TMEM117: variants seen among roughly 807,000 people sequenced by gnomAD.
TMEM117 encodes transmembrane protein 117.
TMEM117 carries 27 observed loss-of-function variants against 52.4 expected under a neutral mutation model. The ratio of observed to expected loss-of-function variants is 0.51; its 90% CI spans 0.38 to 0.71. The LOEUF (loss-of-function observed/expected upper bound fraction) is 0.71. Among genes scored for constraint, TMEM117 ranks in the 30% least tolerant of loss-of-function variants. TMEM117 has a pLI of 0.00. For missense variants in TMEM117, 556 were observed against 630.5 expected (o/e 0.88, Z 1.26); for synonymous variants, 215 against 206.3 (o/e 1.04, Z -0.36).
chr12:44,272,844 C>A (rs979917020), intron 5 of TMEM117, among the ~76,000 whole-genome samples: 24 of 152,088 alleles, frequency 1.6e-4, no homozygotes, highest in Non-Finnish European at 3.2e-4. Flanking sequence ...CTAGAAATAC[C>A]ATTTGACCCA....
chr12:44,180,109 A>G (rs1176178907), intron 4 of TMEM117, among the ~76,000 whole-genome samples: 1 of 152,140 alleles, frequency 6.6e-6, no homozygotes, highest in East Asian at 1.9e-4. Flanking sequence ...ACCTAGCTTC[A>G]AAAAAGGCAC....
chr12:43,915,434 C>T lies in TMEM117; in HGVS notation c.278-28776C>T, dbSNP rs188985532. ...TTATTTTGTTTCTAGAGCTTCATTA[C>T]CCTTTCTTACCACCTGACCTTGTCC... On this transcript the variant is annotated intron_variant, in intron 2 of 7. Transcript: ENST00000266534. Among the ~76,000 whole-genome samples the T allele has an allele frequency of 1.4e-4, 22 of 152,272 alleles. No homozygotes were observed. In the East Asian group the frequency reaches 4.2e-3, roughly 29 times the overall value.
chr12:43,954,795 A>T (rs1945281329), intron 3 of TMEM117, among the ~76,000 whole-genome samples: 1 of 152,230 alleles, frequency 6.6e-6, no homozygotes, highest in Non-Finnish European at 1.5e-5. Context: ...GGCCAGCATC[A>T]TCCTGATACA....
At chr12:44,318,964 G>C (rs80118935) in intron 6 of TMEM117, among the ~76,000 whole-genome samples, 7,316 of 152,268 alleles carry the variant, frequency 0.048, 363 homozygotes, top group African/African-American at 0.12. Context: ...ATTTCCAGGT[G>C]GCCAAGCTAG....
the TMEM117 span, chr12:43,797,282 A>AAAAAC: frequency 2.6e-6 from 4 of 1,563,562 alleles, no homozygotes; most frequent in African/African-American, 5.5e-5. Flanking sequence ...GTAATGTGTT[A>AAAAAC]AAAACAATGT....
chr12:44,201,865 C>T (rs984739748), intron 4 of TMEM117, among the ~76,000 whole-genome samples: 2 of 151,916 alleles, frequency 1.3e-5, no homozygotes. Flanking sequence ...TATTCCCAAA[C>T]CCTAAGAACA....
At chr12:44,191,435 C>T (rs1949352651) in intron 4 of TMEM117, among the ~76,000 whole-genome samples, 1 of 151,962 alleles carries the variant, frequency 6.6e-6, no homozygotes, top group Non-Finnish European at 1.5e-5. Context: ...ATACATATAG[C>T]TGTATATATA....
At chr12:44,177,592 T>A (rs1379688793) in intron 4 of TMEM117, among the ~76,000 whole-genome samples, 1 of 152,154 alleles carries the variant, frequency 6.6e-6, no homozygotes, top group Non-Finnish European at 1.5e-5. Context: ...TTTCTTTTTT[T>A]ATTAGATTTT....
At chr12:44,289,662 C>G (rs892730778) in intron 5 of TMEM117, among the ~76,000 whole-genome samples, 4 of 150,508 alleles carry the variant, frequency 2.7e-5, no homozygotes, top group African/African-American at 9.8e-5. Context: ...AAGCGATTCT[C>G]CTGCCTCAGC....
At chr12:43,912,915 G>A (rs1944538945) in intron 2 of TMEM117, among the ~76,000 whole-genome samples, 1 of 152,030 alleles carries the variant, frequency 6.6e-6, no homozygotes, top group Admixed American at 6.6e-5. Context: ...CTCCAAGAAA[G>A]GCTTGTCATT....
At chr12:44,075,277 GCTCT>G in intron 3 of TMEM117, among the ~76,000 whole-genome samples, 1 of 152,186 alleles carries the variant, frequency 6.6e-6, no homozygotes. Flanking sequence ...GCTGGAATCA[GCTCT>G]CTGTGTTCAA....
intron 2 of TMEM117, among the ~76,000 whole-genome samples, chr12:43,921,773 C>T (rs776932572): frequency 6.6e-6 from 1 of 152,132 alleles, no homozygotes; most frequent in Non-Finnish European, 1.5e-5. Context: ...ATGTTCACAG[C>T]TGCAGTTAAG....
chr12:43,814,933 C>A, the TMEM117 span, among the ~76,000 whole-genome samples: 1 of 151,706 alleles, frequency 6.6e-6, no homozygotes, highest in Non-Finnish European at 1.5e-5. Context: ...TTAGTAGAGA[C>A]GGGGTTTCAC....
At chr12:43,900,632 C>T (rs12320752) in intron 2 of TMEM117, among the ~76,000 whole-genome samples, 15,734 of 151,550 alleles carry the variant, frequency 0.1, 2,460 homozygotes, top group African/African-American at 0.34. Flanking sequence ...GAAGGAGAAT[C>T]GCTTGAACCA....
intron 5 of TMEM117, among the ~76,000 whole-genome samples, chr12:44,218,999 T>C (rs1418474975): frequency 6.6e-6 from 1 of 152,216 alleles, no homozygotes; most frequent in Admixed American, 6.5e-5. Context: ...TTCTAAGATT[T>C]TAAGATATTT....
chr12:43,795,836 C>T, the TMEM117 span: 1 of 1,369,070 alleles, frequency 7.3e-7, no homozygotes, highest in Non-Finnish European at 1.0e-6. Flanking sequence ...TGAATGCTCA[C>T]AAATAATACC....
At chr12:43,930,036 A>G (rs1041499001) in intron 2 of TMEM117, among the ~76,000 whole-genome samples, 22 of 151,938 alleles carry the variant, frequency 1.4e-4, no homozygotes, top group African/African-American at 5.3e-4. Context: ...AGAAAATTTT[A>G]TTTTCTTCTG....
intron 3 of TMEM117, among the ~76,000 whole-genome samples, chr12:44,066,487 A>G (rs1398281971): frequency 6.6e-6 from 1 of 152,186 alleles, no homozygotes; most frequent in Non-Finnish European, 1.5e-5. Flanking sequence ...GGAGATATGC[A>G]GATTCAGTTC....
At chr12:43,959,076 GCATTA>G (rs1166122448) in intron 3 of TMEM117, among the ~76,000 whole-genome samples, 1 of 152,166 alleles carries the variant, frequency 6.6e-6, no homozygotes, top group Non-Finnish European at 1.5e-5. Flanking sequence ...CAAAGTGCTG[GCATTA>G]CAGGCGTGAG....
Sources: gnomAD v4.1 joint callset for allele counts (sites outside exome capture counted in the v4.1 genomes callset) on GRCh38, gnomAD v4.1.1 for gene constraint, MANE v1.5 for transcripts, NCBI Gene and HGNC (gene_info 2026-07-23, HGNC 2026-07-21) for gene names.